The following COL8A1 variants were observed in gnomAD, a reference collection of about 807,000 sequenced individuals.
COL8A1 encodes the protein collagen type VIII alpha 1 chain.
A neutral mutation model predicts 42.7 loss-of-function variants in COL8A1; 21 were observed. The observed-to-expected ratio is 0.49, with a 90% CI of 0.35 to 0.71. COL8A1 has a LOEUF of 0.71. Ranked by LOEUF, COL8A1 falls within the 30% of genes least tolerant of loss-of-function variation. The pLI, the probability that COL8A1 is intolerant of heterozygous loss-of-function variation, is 0.01. For synonymous variants in COL8A1, 367 were observed against 369.1 expected (o/e 0.99, Z 0.06); for missense variants, 788 against 962.4 (o/e 0.82, Z 2.40).
chr3:99,678,045 C>A (rs903402196), intron 1 of COL8A1: 2 of 152,102 alleles, frequency 1.3e-5, no homozygotes, highest in African/African-American at 4.8e-5. Context: ...ACTGGTCTCC[C>A]CAACATCCCT....
At chr3:99,746,163 G>C (rs920663696) in intron 2 of COL8A1, among the ~76,000 whole-genome samples, 2 of 152,096 alleles carry the variant, frequency 1.3e-5, no homozygotes, top group East Asian at 3.9e-4. Flanking sequence ...CATCCATTTA[G>C]AGTTCCTGGA....
At chr3:99,734,364 A>C (rs975689755) in intron 1 of COL8A1, among the ~76,000 whole-genome samples, 21 of 143,382 alleles carry the variant, frequency 1.5e-4, no homozygotes, top group African/African-American at 4.1e-4. Context: ...AGCTTTCTAC[A>C]TATGGCTAGC....
chr3:99,737,261 C>G (rs1011069870), intron 1 of COL8A1, among the ~76,000 whole-genome samples: 1 of 151,716 alleles, frequency 6.6e-6, no homozygotes, highest in Non-Finnish European at 1.5e-5. Context: ...TGAATTTGAT[C>G]CTGTCATTAT....
At position 99,784,604 on chromosome 3, in the gene COL8A1, G is replaced by C. The variant is rs1263485179; in HGVS notation, c.-3-6076G>C. Among the ~76,000 whole-genome samples, 3 of 152,126 alleles carry C rather than the reference G, an allele frequency of 2.0e-5. No homozygotes were observed. The East Asian group carries it at 5.8e-4, about 29-fold the overall frequency. ...TGCTGTAGGCAACTGTAACACAATG[G>C]TAAGTATTTGTGTATCTAAATATAT... On this transcript the variant is annotated intron_variant, in intron 2 of 3. Transcript: ENST00000652472.
chr3:99,669,123 T>TTATATATATATATATATATATATATA (rs775831851), intron 1 of COL8A1, among the ~76,000 whole-genome samples: 8 of 96,582 alleles, frequency 8.3e-5, no homozygotes, highest in East Asian at 6.5e-4. Context: ...CTTAAAAAAA[T>TTATATATATATATATATATATATATA]TATATATATA....
At chr3:99,652,130 C>A (rs553570578) in intron 1 of COL8A1, among the ~76,000 whole-genome samples, 19 of 152,226 alleles carry the variant, frequency 1.2e-4, no homozygotes, top group Admixed American at 2.0e-4. Flanking sequence ...AAATAAAATT[C>A]TCATCTGCAG....
At chr3:99,683,970 AGTTT>A (rs986000840) in intron 1 of COL8A1, among the ~76,000 whole-genome samples, 1 of 152,112 alleles carries the variant, frequency 6.6e-6, no homozygotes, top group Non-Finnish European at 1.5e-5. Context: ...ATGAAGTTTT[AGTTT>A]GTTTGTTTGT....
intron 1 of COL8A1, among the ~76,000 whole-genome samples, chr3:99,643,053 C>T (rs543347959): frequency 6.6e-6 from 1 of 152,286 alleles, no homozygotes; most frequent in Non-Finnish European, 1.5e-5. Context: ...GTTAATTTTA[C>T]AGGTGCAAAA....
intron 2 of COL8A1, among the ~76,000 whole-genome samples, chr3:99,774,259 T>TA: frequency 6.6e-6 from 1 of 151,416 alleles, no homozygotes; most frequent in African/African-American, 2.4e-5. Context: ...ATGGTTCCTC[T>TA]AAAAAAATCC....
intron 1 of COL8A1, among the ~76,000 whole-genome samples, chr3:99,701,803 G>A (rs1939548127): frequency 6.6e-6 from 1 of 152,108 alleles, no homozygotes; most frequent in African/African-American, 2.4e-5. Flanking sequence ...TTCTTAATTG[G>A]AGACAGGGCC....
chr3:99,721,568 C>T (rs1347981251), intron 1 of COL8A1, among the ~76,000 whole-genome samples: 1 of 151,804 alleles, frequency 6.6e-6, no homozygotes, highest in Non-Finnish European at 1.5e-5. Flanking sequence ...GGCTGGAAAC[C>T]CGGACAGATT....
chr3:99,737,601 C>T (rs1325273589), intron 1 of COL8A1, among the ~76,000 whole-genome samples: 4 of 152,190 alleles, frequency 2.6e-5, no homozygotes, highest in Admixed American at 6.5e-5. Flanking sequence ...GATCCGCTGT[C>T]AGTCTGATGG....
chr3:99,737,299 G>A (rs1422030021), intron 1 of COL8A1, among the ~76,000 whole-genome samples: 4 of 151,970 alleles, frequency 2.6e-5, no homozygotes, highest in African/African-American at 9.7e-5. Flanking sequence ...TTGCTCATTA[G>A]TTGATGCAGT....
intron 2 of COL8A1, among the ~76,000 whole-genome samples, chr3:99,751,721 C>T (rs1018308870): frequency 6.6e-6 from 1 of 152,092 alleles, no homozygotes; most frequent in Admixed American, 6.5e-5. Context: ...GGCAGTCCTA[C>T]GCAATGAAGG....
intron 1 of COL8A1, among the ~76,000 whole-genome samples, chr3:99,711,160 C>T (rs969419731): frequency 2.0e-5 from 3 of 152,066 alleles, no homozygotes; most frequent in Non-Finnish European, 2.9e-5. Context: ...GTCAGTCCTG[C>T]TTTTCACCTC....
At chr3:99,791,206 TTTTGC>T (rs1246936750) in intron 3 of COL8A1, among the ~76,000 whole-genome samples, 196 bp downstream of exon 3, 1 of 152,218 alleles carries the variant, frequency 6.6e-6, no homozygotes, top group Non-Finnish European at 1.5e-5. Flanking sequence ...ACCATTTATG[TTTTGC>T]TTTATTATTT....
chr3:99,749,433 C>T (rs1941096021), intron 2 of COL8A1, among the ~76,000 whole-genome samples: 1 of 152,020 alleles, frequency 6.6e-6, no homozygotes, highest in South Asian at 2.1e-4. Flanking sequence ...ATTTAAGCTC[C>T]ACAAGCATCT....
chr3:99,663,891 C>A (rs967534921), intron 1 of COL8A1, among the ~76,000 whole-genome samples: 3 of 152,104 alleles, frequency 2.0e-5, no homozygotes, highest in African/African-American at 7.2e-5. Flanking sequence ...TCTATGAGTT[C>A]TATCAAATTA....
chr3:99,753,185 A>C (rs1941186676), intron 2 of COL8A1, among the ~76,000 whole-genome samples: 1 of 152,236 alleles, frequency 6.6e-6, no homozygotes, highest in Non-Finnish European at 1.5e-5. Context: ...GATGGGGCCC[A>C]AGAACTTGCA....
Sources: allele counts gnomAD v4.1 joint callset (sites outside exome capture counted in the v4.1 genomes callset), GRCh38; gene constraint gnomAD v4.1.1; transcripts MANE v1.5; gene names NCBI Gene and HGNC (gene_info 2026-07-23, HGNC 2026-07-21).